OR14A16: variants seen among roughly 807,000 people sequenced by gnomAD.
The protein encoded by OR14A16 is olfactory receptor 14A16.
For missense variants in OR14A16, 341 were observed against 366.5 expected (o/e 0.93, Z 0.57); for synonymous variants, 135 against 137.6 (o/e 0.98, Z 0.13).
rs756063893 is a variant in OR14A16, at chr1:247,814,849, A to T, written c.881T>A (p.Ile294Lys). 14 of 1,602,364 alleles carry T rather than the reference A, an allele frequency of 8.7e-6. No individual in the cohort carries two copies. The African/African-American group carries it at 1.9e-4, about 22-fold the overall frequency. The change falls in exon 3 of 3, where the codon ATA becomes AAA. Residue 294 changes from isoleucine (I) to lysine (K), a missense_variant. Physicochemically the swap from Ile to Lys is moderately radical, Grantham distance 102 (BLOSUM62 -3). Transcript: ENST00000641093. ...TATCAACATCCCCAGAGCCACCTTTATGGCCTTGTTTCTCAAACTGTATAT... is the reference window on the plus strand; with the variant it reads ...TATCAACATCCCCAGAGCCACCTTTTTGGCCTTGTTTCTCAAACTGTATAT... ...PIIYSLRNKAIKVALGMLIKG... is the reference protein window; with the variant it reads ...PIIYSLRNKAKKVALGMLIKG...
Position 247,815,065 on chromosome 1 carries a change from G to A in OR14A16, c.665C>T (p.Thr222Ile). The A allele has an allele frequency of 6.2e-7, 1 of 1,613,850 alleles. No homozygotes were observed. The highest frequency in any genetic ancestry group is 1.1e-5 in the South Asian group (1 of 91,072). ...TTCTGTGGAAGGGATCTTCTTGACT[G>A]TAGAGAAGACGTGGACATAGGTAAT... is the stretch of plus-strand genomic sequence containing the variant. ...IIITYVHVFS[T>I]VKKIPSTEGQ... The change falls in exon 3 of 3, where the codon ACA becomes ATA. Residue 222 changes from threonine to isoleucine, a missense_variant. Coordinates refer to ENST00000641093, the MANE Select transcript of OR14A16 (RefSeq NM_001001966.2).
intron 2 of OR14A16, among the ~76,000 whole-genome samples, chr1:247,816,460 C>T (rs1000437330): frequency 6.6e-6 from 1 of 152,200 alleles, no homozygotes; most frequent in Non-Finnish European, 1.5e-5. Flanking sequence ...GGTGCGGTGG[C>T]TCACGCCTGT....
chr1:247,814,764 TG>T lies in OR14A16; in HGVS notation c.*35del. ...AGAATTAATGTGTGTACATTATAAA[TG>T]GTATCTATTATTGAAAGAAGAAAAG... On this transcript the variant is annotated 3_prime_UTR_variant, in exon 3 of 3. Coordinates refer to ENST00000641093, the MANE Select transcript of OR14A16 (RefSeq NM_001001966.2). 1 of 1,140,428 alleles carries T rather than the reference TG, an allele frequency of 8.8e-7. No individual in the cohort carries two copies. The allele number at this position is 1,140,428 out of a possible 1,614,324, so 70.6% of individuals were successfully genotyped here.
At chr1:247,819,735 C>T (rs915685766) in intron 1 of OR14A16, among the ~76,000 whole-genome samples, 6 of 151,962 alleles carry the variant, frequency 3.9e-5, no homozygotes, top group Admixed American at 6.6e-5. Flanking sequence ...TTTTAGTTTA[C>T]GATAAAATAT....
In OR14A16 at chr1:247,815,238, TAAGGAG is replaced by T; in HGVS notation, c.486_491del (p.Phe162_Ser163del). 1.4e-6 allele frequency: 2 copies of T among 1,454,082 alleles called. No homozygotes were observed. The highest frequency in any genetic ancestry group is 2.5e-5 in the East Asian group (1 of 39,468). 90.1% of individuals were successfully genotyped at this position (1,454,082 alleles called of 1,614,324 possible). ...GGACCATGTTGGACCCACAGTAGGATAAGGAGAAGGTGCCAGCTGTGTGCATCACAG... is the reference window on the plus strand; with the variant it reads ...GGACCATGTTGGACCCACAGTAGGATAAGGTGCCAGCTGTGTGCATCACAG... On this transcript the variant is annotated inframe_deletion, in exon 3 of 3. Coordinates refer to ENST00000641093, the MANE Select transcript of OR14A16 (RefSeq NM_001001966.2).
In OR14A16 at chr1:247,816,659, G is replaced by T. The variant is rs543267561; in HGVS notation, c.-15-915C>A. On this transcript the variant is annotated intron_variant, in intron 2 of 2. Transcript: ENST00000641093. ...AGGGTGAATCACTTGAACCTGGGAG[G>T]CGGAGGCTGCAGTGAGCCGAGATCA... Among the ~76,000 whole-genome samples the T allele has an allele frequency of 2.0e-5, 3 of 151,618 alleles. No homozygotes were observed. The South Asian group carries it at 6.3e-4, about 32-fold the overall frequency.
rs1662612894 is a variant in OR14A16, at chr1:247,815,893, T to C, written c.-15-149A>G. 9 of 468,120 alleles carry C rather than the reference T, an allele frequency of 1.9e-5. No homozygotes were observed. The South Asian group carries it at 4.5e-4, about 24-fold the overall frequency. 29.0% of individuals were successfully genotyped at this position (468,120 alleles called of 1,614,324 possible). On this transcript the variant is annotated intron_variant, in intron 2 of 2. Transcript: ENST00000641093. Reference sequence around the variant, plus strand: ...CATGCCAATTTGCCACAAAAAATACTTTCATCTAGTTCTTTTTTAGTGCAT... The same window carrying C: ...CATGCCAATTTGCCACAAAAAATACCTTCATCTAGTTCTTTTTTAGTGCAT...
At chr1:247,820,112 A>G (rs1355820106) in intron 1 of OR14A16, among the ~76,000 whole-genome samples, 1 of 152,142 alleles carries the variant, frequency 6.6e-6, no homozygotes, top group African/African-American at 2.4e-5. Flanking sequence ...GTGCTGTTGA[A>G]TTTGATTTGC....
In OR14A16 at chr1:247,815,139, G is replaced by C; in HGVS notation, c.591C>G (p.Leu197=). 1 of 1,611,172 alleles carries C rather than the reference G, an allele frequency of 6.2e-7. No homozygotes were observed. Among genetic ancestry groups the C allele is most frequent in the Non-Finnish European group, 8.5e-7 (1 of 1,177,352 alleles). Residue 197 remains leucine, a synonymous_variant, in exon 3 of 3, where the codon CTC becomes CTG. Transcript: ENST00000641093. ...AATCCAAAACTACATTAATAAGGAT[G>C]AGTGCAATTTCTCTTATTAAATTTT... ...CSENLIREIA[L]ILINVVLDFC... is the part of the protein sequence containing the mutation.
chr1:247,819,945 T>C (rs1232779452), intron 1 of OR14A16, among the ~76,000 whole-genome samples: 1 of 152,188 alleles, frequency 6.6e-6, no homozygotes, highest in Non-Finnish European at 1.5e-5. Flanking sequence ...ATGAAAGGAA[T>C]TGTATTAAAT....
At chr1:247,823,733 T>C (rs1426897094) in intron 1 of OR14A16, among the ~76,000 whole-genome samples, 2 of 152,180 alleles carry the variant, frequency 1.3e-5, no homozygotes, top group African/African-American at 2.4e-5. Flanking sequence ...AAGGATACGA[T>C]AAATATGTAT....
intron 1 of OR14A16, among the ~76,000 whole-genome samples, chr1:247,819,956 G>A (rs375979973): frequency 6.6e-6 from 1 of 152,130 alleles, no homozygotes; most frequent in Non-Finnish European, 1.5e-5. Flanking sequence ...TGTATTAAAT[G>A]CCTTTTCAGA....
chr1:247,816,624 A>G (rs1310507565), intron 2 of OR14A16, among the ~76,000 whole-genome samples: 1 of 152,098 alleles, frequency 6.6e-6, no homozygotes, highest in Non-Finnish European at 1.5e-5. Flanking sequence ...GCTACTTGGG[A>G]GGCTGAGGCA....
intron 2 of OR14A16, among the ~76,000 whole-genome samples, chr1:247,817,884 A>G (rs1413365296): frequency 6.6e-6 from 1 of 152,158 alleles, no homozygotes; most frequent in East Asian, 1.9e-4. Context: ...CGAAGATACT[A>G]TAATGTGCCA....
At chr1:247,822,227 C>T (rs975464744) in intron 1 of OR14A16, among the ~76,000 whole-genome samples, 1 of 143,382 alleles carries the variant, frequency 7.0e-6, no homozygotes, top group Non-Finnish European at 1.5e-5. Context: ...AGGGTGTTTC[C>T]AGAGGAGATT....
At position 247,815,364 on chromosome 1, in the gene OR14A16, A is replaced by C. The variant is rs371497732; in HGVS notation, c.366T>G (p.Thr122=). 21 of 1,614,010 alleles carry C rather than the reference A, an allele frequency of 1.3e-5. No homozygotes were observed. In the East Asian group the frequency reaches 2.5e-4, roughly 19 times the overall value. The change falls in exon 3 of 3, where the codon ACT becomes ACG. Residue 122 remains threonine (T), a synonymous_variant. Transcript: ENST00000641093. ...CATAGTGCAGAGGGTGACATATAGC[A>C]GTATAGCGGTCAAAGGACATCACCG... ...LLTVMSFDRY[T]AICHPLHYDV...
chr1:247,818,705 G>T (rs1012844144), intron 2 of OR14A16, among the ~76,000 whole-genome samples: 5 of 152,300 alleles, frequency 3.3e-5, no homozygotes, highest in Admixed American at 3.3e-4. Flanking sequence ...CCCAGAGACT[G>T]AGAGGGTAGT....
At chr1:247,822,941 C>A (rs1662767720) in intron 1 of OR14A16, among the ~76,000 whole-genome samples, 1 of 152,090 alleles carries the variant, frequency 6.6e-6, no homozygotes, top group Non-Finnish European at 1.5e-5. Flanking sequence ...AAATATTTGG[C>A]CAGCTGAATG....
intron 2 of OR14A16, among the ~76,000 whole-genome samples, 160 bp downstream of exon 2, chr1:247,818,903 C>A (rs1403122113): frequency 4.0e-5 from 6 of 151,798 alleles, no homozygotes; most frequent in Non-Finnish European, 1.5e-5. Context: ...GTGATGAATG[C>A]CCCAATTACC....
Sources: allele counts gnomAD v4.1 joint callset (sites outside exome capture counted in the v4.1 genomes callset), GRCh38; gene constraint gnomAD v4.1.1; transcripts MANE v1.5; gene names NCBI Gene and HGNC (gene_info 2026-07-23, HGNC 2026-07-21).